The following GABRA5 variants were observed in gnomAD, a reference collection of about 807,000 sequenced individuals.
The protein encoded by GABRA5 is gamma-aminobutyric acid type A receptor subunit alpha5.
Under a neutral mutation model 47.3 loss-of-function variants are expected in GABRA5, and 18 were observed. That is an observed-to-expected ratio of 0.38 (90% confidence interval 0.26 to 0.56). The LOEUF is 0.56. GABRA5 is among the 20% of genes least tolerant of loss of function. The pLI, the probability that GABRA5 is intolerant of heterozygous loss-of-function variation, is 0.71. For synonymous variants in GABRA5, 237 were observed against 229.3 expected (o/e 1.03, Z -0.30); for missense variants, 365 against 599.3 (o/e 0.61, Z 4.08).
intron 7 of GABRA5, among the ~76,000 whole-genome samples, chr15:26,922,829 T>C (rs1366633643): frequency 6.6e-6 from 1 of 152,170 alleles, no homozygotes; most frequent in Non-Finnish European, 1.5e-5. Flanking sequence ...GGGGTGATCA[T>C]AGCACACTGC....
chr15:26,875,375 T>C (rs1892570844), intron 3 of GABRA5, among the ~76,000 whole-genome samples: 1 of 152,242 alleles, frequency 6.6e-6, no homozygotes, highest in Non-Finnish European at 1.5e-5. Context: ...CACCAGGCAC[T>C]GTTCCAGGTA....
At chr15:26,930,016 T>TG (rs1555392974) in intron 7 of GABRA5, among the ~76,000 whole-genome samples, 2,801 of 127,410 alleles carry the variant, frequency 0.022, 4 homozygotes, top group Non-Finnish European at 0.031. Flanking sequence ...CTTTTTTTTT[T>TG]TTTTTTGTTT....
intron 6 of GABRA5, among the ~76,000 whole-genome samples, chr15:26,907,365 A>T (rs1050618741): frequency 2.1e-4 from 32 of 152,336 alleles, no homozygotes; most frequent in African/African-American, 7.7e-4. Context: ...AAATTCTATT[A>T]TGTATAAAAT....
At chr15:26,919,243 A>T (rs1893787841) in intron 7 of GABRA5, among the ~76,000 whole-genome samples, 1 of 152,186 alleles carries the variant, frequency 6.6e-6, no homozygotes. Flanking sequence ...ATTTACATTT[A>T]AAGTAAATAC....
intron 6 of GABRA5, among the ~76,000 whole-genome samples, chr15:26,911,262 T>C (rs1471500095): frequency 6.6e-6 from 1 of 152,112 alleles, no homozygotes; most frequent in East Asian, 1.9e-4. Context: ...ACTGTCTTTT[T>C]TACATTTTTA....
At chr15:26,925,930 T>A (rs942251823) in intron 7 of GABRA5, among the ~76,000 whole-genome samples, 3 of 152,346 alleles carry the variant, frequency 2.0e-5, no homozygotes, top group Middle Eastern at 3.4e-3. Context: ...CGCATGCATA[T>A]GCATAATTGA....
chr15:26,894,520 C>G lies in GABRA5; in HGVS notation c.497+10963C>G, dbSNP rs546782878. Among the ~76,000 whole-genome samples the G allele has an allele frequency of 2.6e-5, 4 of 152,280 alleles. No individual in the cohort carries two copies. In the South Asian group the frequency reaches 8.3e-4, roughly 32 times the overall value. ...ATTTCCGTGGCGTCAGATGGCTGTT[C>G]TTTGTCACCTGCTTGTAAGAGCTGG... On this transcript the variant is annotated intron_variant, in intron 6 of 10. Coordinates refer to ENST00000335625, the MANE Select transcript of GABRA5 (RefSeq NM_000810.4).
At chr15:26,885,857 G>A (rs1305503081) in intron 6 of GABRA5, among the ~76,000 whole-genome samples, 1 of 152,178 alleles carries the variant, frequency 6.6e-6, no homozygotes, top group Non-Finnish European at 1.5e-5. Context: ...AATGCTGGAT[G>A]TGGTTACTGT....
At chr15:26,931,366 C>T (rs779376858) in intron 7 of GABRA5, among the ~76,000 whole-genome samples, 9 of 152,162 alleles carry the variant, frequency 5.9e-5, no homozygotes, top group South Asian at 2.1e-4. Flanking sequence ...GGTTCACAGA[C>T]GGCCATGTTC....
chr15:26,872,289 G>A (rs897795385), intron 3 of GABRA5, among the ~76,000 whole-genome samples: 1 of 152,152 alleles, frequency 6.6e-6, no homozygotes, highest in African/African-American at 2.4e-5. Flanking sequence ...ATGAATCCTA[G>A]GAGCCACTGT....
chr15:26,930,006 C>CTTTTTTTTTTTTTTTTTTT (rs72082419), intron 7 of GABRA5, among the ~76,000 whole-genome samples: 4 of 113,384 alleles, frequency 3.5e-5, no homozygotes, highest in Non-Finnish European at 3.5e-5. Context: ...TCTTCTTCTT[C>CTTTTTTTTTTTTTTTTTTT]TTTTTTTTTT....
chr15:26,868,646 G>C (rs1892386412), intron 1 of GABRA5, 83 bp from the exon 2 acceptor site: 2 of 152,766 alleles, frequency 1.3e-5, no homozygotes, highest in Non-Finnish European at 2.9e-5. Context: ...TCTTTTATAG[G>C]CAGTTGTCAC....
At chr15:26,881,421 C>A (rs1892727103) in intron 4 of GABRA5, among the ~76,000 whole-genome samples, 1 of 152,186 alleles carries the variant, frequency 6.6e-6, no homozygotes, top group Non-Finnish European at 1.5e-5. Flanking sequence ...TCCTTTATAT[C>A]TTTATGGGTT....
chr15:26,889,539 CAA>C (rs1190139664), intron 6 of GABRA5, among the ~76,000 whole-genome samples: 2 of 151,602 alleles, frequency 1.3e-5, no homozygotes, highest in Non-Finnish European at 2.9e-5. Flanking sequence ...GATTGGTAGT[CAA>C]TATCAAATAG....
chr15:26,940,518 T>G (rs1894359469), intron 9 of GABRA5, among the ~76,000 whole-genome samples: 1 of 151,780 alleles, frequency 6.6e-6, no homozygotes, highest in Non-Finnish European at 1.5e-5. Context: ...ACGGAGCATT[T>G]TCTTTGAGCA....
intron 6 of GABRA5, 140 bp from the exon 7 acceptor site, chr15:26,914,663 T>C: frequency 1.5e-6 from 1 of 645,488 alleles, no homozygotes. Flanking sequence ...TTACGTAATT[T>C]GGTGGGGATA....
At chr15:26,906,042 T>C (rs190301687) in intron 6 of GABRA5, among the ~76,000 whole-genome samples, 1 of 152,260 alleles carries the variant, frequency 6.6e-6, no homozygotes, top group East Asian at 1.9e-4. Flanking sequence ...CTTTGATGTA[T>C]TTTATTTTTT....
chr15:26,870,974 G>A (rs997583685), intron 3 of GABRA5, among the ~76,000 whole-genome samples: 6 of 152,144 alleles, frequency 3.9e-5, no homozygotes, highest in Non-Finnish European at 7.3e-5. Context: ...GGGGCGGATC[G>A]CCTGAGGTCA....
intron 6 of GABRA5, among the ~76,000 whole-genome samples, chr15:26,903,881 AC>A (rs1459969831): frequency 6.6e-6 from 1 of 151,394 alleles, no homozygotes; most frequent in Non-Finnish European, 1.5e-5. Context: ...TGCATATTAG[AC>A]TTTTGCAGAT....
Sources: allele counts gnomAD v4.1 joint callset (sites outside exome capture counted in the v4.1 genomes callset), GRCh38; gene constraint gnomAD v4.1.1; transcripts MANE v1.5; gene names NCBI Gene and HGNC (gene_info 2026-07-23, HGNC 2026-07-21).